AKAP13: variants seen among roughly 807,000 people sequenced by gnomAD.
AKAP13 encodes A-kinase anchoring protein 13.
Under a neutral mutation model 264.5 loss-of-function variants are expected in AKAP13, and 80 were observed. The observed-to-expected ratio is 0.30, with a 90% CI of 0.25 to 0.36. The LOEUF (loss-of-function observed/expected upper bound fraction) is 0.36, where lower values mean the gene tolerates loss of function less well. AKAP13 is among the 10% of genes least tolerant of loss of function. The probability of loss-of-function intolerance (pLI) is 1.00; values close to 1 mark genes in which losing one functional copy is unlikely to be tolerated. For missense variants in AKAP13, 3,712 were observed against 3,435.2 expected (o/e 1.08, Z -2.01); for synonymous variants, 1,380 against 1,250.2 (o/e 1.10, Z -2.19).
chr15:85,394,957 A>G (rs1235225127), intron 1 of AKAP13, among the ~76,000 whole-genome samples: 5 of 152,178 alleles, frequency 3.3e-5, no homozygotes, highest in Non-Finnish European at 7.4e-5. Context: ...TTTTCTTACT[A>G]TTCTTGTCAA....
intron 1 of AKAP13, among the ~76,000 whole-genome samples, chr15:85,387,996 G>C (rs549442922): frequency 4.0e-5 from 6 of 151,570 alleles, no homozygotes; most frequent in Non-Finnish European, 8.8e-5. Context: ...GGCAAATAAG[G>C]GCAGTTTGAT....
chr15:85,629,348 A>G lies in AKAP13; in HGVS notation c.4162-10026A>G, dbSNP rs927627593. ...TTGAAATATTTATTACTTTCATCAAATTACTTTGCCTCCTTTGGCCTCAGG... is the reference window on the plus strand; with the variant it reads ...TTGAAATATTTATTACTTTCATCAAGTTACTTTGCCTCCTTTGGCCTCAGG... On this transcript the variant is annotated intron_variant, in intron 8 of 36. Coordinates refer to ENST00000394518, the MANE Select transcript of AKAP13 (RefSeq NM_007200.5). Among the ~76,000 whole-genome samples, 4 of 152,160 alleles carry G rather than the reference A, an allele frequency of 2.6e-5. No homozygotes were observed. In the East Asian group the frequency reaches 5.8e-4, roughly 22 times the overall value.
chr15:85,406,730 GTGT>G (rs746171058), intron 1 of AKAP13, among the ~76,000 whole-genome samples: 14 of 151,766 alleles, frequency 9.2e-5, no homozygotes, highest in Non-Finnish European at 1.6e-4. Flanking sequence ...GTTGTTTGCA[GTGT>G]TGTTTCTTTG....
At chr15:85,590,664 A>G (rs2079546126) in intron 8 of AKAP13, among the ~76,000 whole-genome samples, 1 of 152,228 alleles carries the variant, frequency 6.6e-6, no homozygotes, top group Admixed American at 6.5e-5. Context: ...TTTGAGGCAA[A>G]GTTATTACTT....
chr15:85,546,863 C>T (rs2077766948), intron 5 of AKAP13, among the ~76,000 whole-genome samples: 1 of 152,020 alleles, frequency 6.6e-6, no homozygotes, highest in Non-Finnish European at 1.5e-5. Context: ...TCTGCCTCAG[C>T]CTCCTGAGTA....
At chr15:85,647,717 G>T (rs752514142) in intron 10 of AKAP13, among the ~76,000 whole-genome samples, 7 of 152,078 alleles carry the variant, frequency 4.6e-5, no homozygotes, top group African/African-American at 7.2e-5. Context: ...AGGCTGAGGC[G>T]GGCTGATCAT....
intron 1 of AKAP13, among the ~76,000 whole-genome samples, chr15:85,384,329 C>T (rs1337862396): frequency 1.3e-5 from 2 of 152,204 alleles, no homozygotes; most frequent in Non-Finnish European, 2.9e-5. Context: ...TGGGGACAGG[C>T]ATCCATTTGG....
chr15:85,539,823 C>A (rs2077525110), intron 4 of AKAP13, among the ~76,000 whole-genome samples: 1 of 151,852 alleles, frequency 6.6e-6, no homozygotes, highest in Non-Finnish European at 1.5e-5. Flanking sequence ...AACATGGGGT[C>A]TATGGAATAA....
chr15:85,707,333 G>A (rs973122363), intron 17 of AKAP13, among the ~76,000 whole-genome samples: 1 of 152,162 alleles, frequency 6.6e-6, no homozygotes, highest in African/African-American at 2.4e-5. Context: ...ATAAAATGCT[G>A]TCCTTGCCAA....
At chr15:85,643,858 A>G (rs1436074767) in intron 9 of AKAP13, among the ~76,000 whole-genome samples, 2 of 152,100 alleles carry the variant, frequency 1.3e-5, no homozygotes, top group Non-Finnish European at 2.9e-5. Flanking sequence ...CCCCATTACT[A>G]CGTACACATT....
intron 35 of AKAP13, among the ~76,000 whole-genome samples, chr15:85,741,725 CAAACA>C (rs2088997422): frequency 1.2e-5 from 1 of 80,918 alleles, no homozygotes; most frequent in Non-Finnish European, 2.3e-5. Flanking sequence ...AACAAACAAA[CAAACA>C]AAAAAAAAAA....
chr15:85,472,659 TTAG>T (rs1167775555), intron 1 of AKAP13, among the ~76,000 whole-genome samples: 2 of 152,196 alleles, frequency 1.3e-5, no homozygotes, highest in African/African-American at 4.8e-5. Context: ...TGAACTCCTC[TTAG>T]TAGGAAACTC....
chr15:85,699,203 G>C (rs758730794), intron 17 of AKAP13, among the ~76,000 whole-genome samples: 2 of 152,074 alleles, frequency 1.3e-5, no homozygotes, highest in Non-Finnish European at 2.9e-5. Context: ...CTGCACTTTG[G>C]GAGGCTGAGA....
chr15:85,501,323 A>G (rs1362741891), intron 2 of AKAP13, among the ~76,000 whole-genome samples: 1 of 152,220 alleles, frequency 6.6e-6, no homozygotes, highest in Non-Finnish European at 1.5e-5. Flanking sequence ...TATTCTTGCC[A>G]CCATATACTC....
intron 17 of AKAP13, among the ~76,000 whole-genome samples, chr15:85,697,299 A>G (rs1289472016): frequency 2.0e-5 from 3 of 152,220 alleles, no homozygotes; most frequent in Non-Finnish European, 4.4e-5. Flanking sequence ...GGCCGGGCGC[A>G]GTGGCTCACG....
intron 1 of AKAP13, among the ~76,000 whole-genome samples, chr15:85,411,646 C>G (rs1421769079): frequency 6.6e-6 from 1 of 152,108 alleles, no homozygotes; most frequent in Non-Finnish European, 1.5e-5. Context: ...ACCGTGTTAC[C>G]CAGGGTGGTC....
intron 2 of AKAP13, among the ~76,000 whole-genome samples, chr15:85,516,396 G>A (rs578249762): frequency 6.6e-6 from 1 of 152,204 alleles, no homozygotes; most frequent in Non-Finnish European, 1.5e-5. Flanking sequence ...ACACAGGCAG[G>A]TTGGTGTCAG....
At chr15:85,384,772 G>T (rs1046658603) in intron 1 of AKAP13, among the ~76,000 whole-genome samples, 4 of 151,542 alleles carry the variant, frequency 2.6e-5, no homozygotes, top group African/African-American at 9.7e-5. Context: ...GTCAGTGGAA[G>T]AAAGTTTGTT....
intron 8 of AKAP13, among the ~76,000 whole-genome samples, chr15:85,594,097 A>G (rs574726143): frequency 3.3e-5 from 5 of 152,120 alleles, no homozygotes; most frequent in Non-Finnish European, 7.4e-5. Flanking sequence ...CCATCTTAAG[A>G]CAGTATGAAT....
Sources: allele counts gnomAD v4.1 joint callset (sites outside exome capture counted in the v4.1 genomes callset), GRCh38; gene constraint gnomAD v4.1.1; transcripts MANE v1.5; gene names NCBI Gene and HGNC (gene_info 2026-07-23, HGNC 2026-07-21).